The following TSPAN13 variants were observed in gnomAD, a reference collection of about 807,000 sequenced individuals.
The protein encoded by TSPAN13 is tetraspanin-13.
A neutral mutation model predicts 26.9 loss-of-function variants in TSPAN13; 18 were observed. The observed-to-expected ratio is 0.67, with a 90% confidence interval of 0.46 to 0.99. TSPAN13 has a LOEUF of 0.99. Ranked by LOEUF, TSPAN13 falls within the 50% of genes least tolerant of loss-of-function variation. TSPAN13 has a pLI of 0.00. For synonymous variants in TSPAN13, 116 were observed against 98.4 expected (o/e 1.18, Z -1.06); for missense variants, 201 against 249.6 (o/e 0.81, Z 1.31).
chr7:16,782,529 C>T (rs1461187615), intron 5 of TSPAN13, among the ~76,000 whole-genome samples: 1 of 152,082 alleles, frequency 6.6e-6, no homozygotes, highest in Non-Finnish European at 1.5e-5. Flanking sequence ...TTAAAATAAA[C>T]CAACTTTGAA....
intron 1 of TSPAN13, among the ~76,000 whole-genome samples, chr7:16,768,767 G>A (rs922142091): frequency 1.3e-5 from 2 of 152,180 alleles, no homozygotes; most frequent in Admixed American, 6.5e-5. Flanking sequence ...CTCTTTCTCT[G>A]CTGACTTAGA....
Position 16,753,781 on chromosome 7 carries a change from T to TCCAAAGCGGGTCCGAGCCG in TSPAN13, c.-184_-166dup. The TCCAAAGCGGGTCCGAGCCG allele has an allele frequency of 2.0e-6, 1 of 493,138 alleles. No homozygotes were observed. Among genetic ancestry groups the TCCAAAGCGGGTCCGAGCCG allele is most frequent in the Non-Finnish European group, 3.5e-6 (1 of 287,832 alleles). The allele number at this position is 493,138 out of a possible 1,614,324, so 30.5% of individuals were successfully genotyped here. On this transcript the variant is annotated 5_prime_UTR_variant, in exon 1 of 6. Transcript: ENST00000262067. ...CGGCTCAGCTGCGGCGGCCGCAGGT[T>TCCAAAGCGGGTCCGAGCCG]CCAAAGCGGGTCCGAGCCGCCGCCG...
At chr7:16,754,084 A>G in intron 1 of TSPAN13, 54 bp downstream of exon 1, 1 of 1,574,546 alleles carries the variant, frequency 6.4e-7, no homozygotes, top group Non-Finnish European at 8.7e-7. Flanking sequence ...CCTGCTTGGG[A>G]GCTCTTTGGC....
intron 1 of TSPAN13, among the ~76,000 whole-genome samples, chr7:16,761,535 T>C (rs998501967): frequency 6.6e-6 from 1 of 151,972 alleles, no homozygotes; most frequent in African/African-American, 2.4e-5. Flanking sequence ...TTCTTTTTTT[T>C]AGGGGCAGGG....
chr7:16,765,024 G>T (rs1324529778), intron 1 of TSPAN13, among the ~76,000 whole-genome samples: 1 of 151,880 alleles, frequency 6.6e-6, no homozygotes, highest in East Asian at 1.9e-4. Context: ...CTCCCAAAGT[G>T]CTAGGATTAT....
chr7:16,775,493 T>C (rs1476019960), intron 1 of TSPAN13, among the ~76,000 whole-genome samples: 2 of 152,250 alleles, frequency 1.3e-5, no homozygotes, highest in African/African-American at 4.8e-5. Flanking sequence ...TCTCTATATA[T>C]GATTTTTAAT....
intron 1 of TSPAN13, among the ~76,000 whole-genome samples, chr7:16,764,342 T>A (rs1784583047): frequency 6.6e-6 from 1 of 152,168 alleles, no homozygotes; most frequent in Admixed American, 6.5e-5. Context: ...TGTTCTTTAA[T>A]ACCATTATTG....
At chr7:16,754,128 C>A in intron 1 of TSPAN13, 98 bp downstream of exon 1, 1 of 1,241,626 alleles carries the variant, frequency 8.1e-7, no homozygotes, top group Non-Finnish European at 1.1e-6. Context: ...CTCGTTGCAT[C>A]CCGCGCCCCC....
intron 1 of TSPAN13, among the ~76,000 whole-genome samples, chr7:16,771,550 A>G (rs1161054561): frequency 2.0e-5 from 3 of 152,188 alleles, no homozygotes; most frequent in Non-Finnish European, 4.4e-5. Context: ...AATGATGTGC[A>G]TATTTGAGGG....
At chr7:16,765,044 C>T (rs1784590541) in intron 1 of TSPAN13, among the ~76,000 whole-genome samples, 1 of 151,916 alleles carries the variant, frequency 6.6e-6, no homozygotes, top group African/African-American at 2.4e-5. Context: ...TAGATGTGAA[C>T]CACTATGCCC....
Position 16,783,618 on chromosome 7 carries a change from A to C in TSPAN13, c.*127A>C. On this transcript the variant is annotated 3_prime_UTR_variant, in exon 6 of 6. Transcript: ENST00000262067. ...GGAAAAGTACCTTATTGATAGTGGAATTATATATTTTTACTCTATGTTTCT... is the reference window on the plus strand; with the variant it reads ...GGAAAAGTACCTTATTGATAGTGGACTTATATATTTTTACTCTATGTTTCT... 1.2e-6 allele frequency: 1 copy of C among 833,808 alleles called. No individual in the cohort carries two copies. Among genetic ancestry groups the C allele is most frequent in the African/African-American group, 1.7e-5 (1 of 59,174 alleles). The allele number at this position is 833,808 out of a possible 1,614,324, so 51.7% of individuals were successfully genotyped here. A position where few individuals can be genotyped will look rare whatever the true frequency, so the allele number is the denominator to read the frequency against.
chr7:16,763,199 C>T (rs893221640), intron 1 of TSPAN13, among the ~76,000 whole-genome samples: 16 of 152,248 alleles, frequency 1.1e-4, no homozygotes, highest in African/African-American at 3.6e-4. Context: ...GCTTTAGGGA[C>T]GTCTTTTCAG....
intron 1 of TSPAN13, among the ~76,000 whole-genome samples, chr7:16,765,962 T>C (rs1199645638): frequency 6.6e-6 from 1 of 152,222 alleles, no homozygotes; most frequent in Non-Finnish European, 1.5e-5. Flanking sequence ...CCTCATATAA[T>C]CTTGTTCTCT....
At position 16,776,390 on chromosome 7, in the gene TSPAN13, A is replaced by G; in HGVS notation, c.231+12A>G. The G allele has an allele frequency of 1.2e-6, 2 of 1,606,036 alleles. No individual in the cohort carries two copies. The highest frequency in any genetic ancestry group is 1.7e-6 in the Non-Finnish European group (2 of 1,175,504). On this transcript the variant is annotated intron_variant, in intron 2 of 5. Coordinates refer to ENST00000262067, the MANE Select transcript of TSPAN13 (RefSeq NM_014399.4). Reference sequence around the variant, plus strand: ...TGTTGCTATTTTTTGTATCCTTTTTAAAAATCAAGATTTTACTCTTGATGA... The same window carrying G: ...TGTTGCTATTTTTTGTATCCTTTTTGAAAATCAAGATTTTACTCTTGATGA...
At chr7:16,778,938 CA>C in intron 4 of TSPAN13, 64 bp from the exon 5 acceptor site, 1 of 1,207,264 alleles carries the variant, frequency 8.3e-7, no homozygotes, top group Non-Finnish European at 1.2e-6. Flanking sequence ...TGTGTGTATG[CA>C]GTTTTTATGG....
chr7:16,755,930 T>C (rs933577365), intron 1 of TSPAN13, among the ~76,000 whole-genome samples: 2 of 152,202 alleles, frequency 1.3e-5, no homozygotes, highest in African/African-American at 4.8e-5. Flanking sequence ...TTGATTTTAA[T>C]AGCTATGCAG....
At chr7:16,776,474 C>A in intron 2 of TSPAN13, 96 bp downstream of exon 2, 1 of 1,175,310 alleles carries the variant, frequency 8.5e-7, no homozygotes, top group Non-Finnish European at 1.2e-6. Context: ...TGCCAGAAAG[C>A]AACTCCAAGC....
chr7:16,764,514 T>C (rs1334171674), intron 1 of TSPAN13, among the ~76,000 whole-genome samples: 2 of 152,028 alleles, frequency 1.3e-5, no homozygotes, highest in Non-Finnish European at 2.9e-5. Flanking sequence ...TGTATGTGAA[T>C]GTACGTGTAT....
rs545558271 is a variant in TSPAN13 at position 16,753,820 on chromosome 7, C to A, written c.-148C>A. 4.1e-6 allele frequency: 3 copies of A among 733,212 alleles called. No homozygotes were observed. Among genetic ancestry groups the A allele is most frequent in the Admixed American group, 6.4e-5 (2 of 31,378 alleles). 45.4% of individuals were successfully genotyped at this position (733,212 alleles called of 1,614,324 possible). The stretch of plus-strand genomic sequence containing the variant: ...GAGCCGCCGCCGCGCGCGCGCCGCG[C>A]ACTGCAGCCCCAGGCCCCGGCCCCC... On this transcript the variant is annotated 5_prime_UTR_variant, in exon 1 of 6. Coordinates refer to ENST00000262067, the MANE Select transcript of TSPAN13 (RefSeq NM_014399.4).
Sources: gnomAD v4.1 joint callset for allele counts (sites outside exome capture counted in the v4.1 genomes callset) on GRCh38, gnomAD v4.1.1 for gene constraint, MANE v1.5 for transcripts, NCBI Gene and HGNC (gene_info 2026-07-23, HGNC 2026-07-21) for gene names.